OR14I1: variants seen among roughly 807,000 people sequenced by gnomAD.
OR14I1 encodes the protein olfactory receptor 14I1.
For missense variants in OR14I1, 279 were observed against 181.8 expected (o/e 1.53, Z -3.07); for synonymous variants, 118 against 71.1 (o/e 1.66, Z -3.32).
rs775751924 is a variant in OR14I1 at position 248,682,269 on chromosome 1, C to T, written c.36G>A (p.Leu12=). Residue 12 remains leucine, a synonymous_variant, in exon 1 of 1, where the codon CTG becomes CTA. Coordinates refer to ENST00000342623, the Ensembl canonical transcript of OR14I1. ...GCTCCCAGATACCAGAAAACTCCAT[C>T]AGCAGGAATTCTGTCACTTTTGTGA... 3 of 760,878 alleles carry T rather than the reference C, an allele frequency of 3.9e-6. No homozygotes were observed. In the East Asian group the frequency reaches 7.3e-5, roughly 18 times the overall value. 47.1% of individuals were successfully genotyped at this position (760,878 alleles called of 1,614,324 possible).
At chr1:248,701,815 G>T in the OR14I1 span, among the ~76,000 whole-genome samples, 4 of 152,136 alleles carry the variant, frequency 2.6e-5, no homozygotes, top group Non-Finnish European at 5.9e-5. Context: ...GGCACTGACA[G>T]GTCTCAAAGA....
chr1:248,681,641 T>C (rs767476887), exon 1 of OR14I1: 3 of 780,966 alleles, frequency 3.8e-6, no homozygotes, highest in East Asian at 4.8e-5. Context: ...CTGAGCACCG[T>C]TGAGAAGATT....
At chr1:248,684,528 G>A (rs1204372029), upstream of OR14I1, among the ~76,000 whole-genome samples, 7 of 152,106 alleles carry the variant, frequency 4.6e-5, no homozygotes, top group East Asian at 3.9e-4. Flanking sequence ...GCTCCATGAC[G>A]TTTAAACCCC....
At chr1:248,695,084 G>A in the OR14I1 span, among the ~76,000 whole-genome samples, 2 of 152,082 alleles carry the variant, frequency 1.3e-5, no homozygotes, top group African/African-American at 4.8e-5. Flanking sequence ...AGAGACAAAA[G>A]GGGATATGAG....
upstream of OR14I1, among the ~76,000 whole-genome samples, chr1:248,682,475 G>A (rs1661584815): frequency 6.6e-6 from 1 of 152,094 alleles, no homozygotes; most frequent in South Asian, 2.1e-4. Flanking sequence ...TTTTTAACAT[G>A]GAAAGATCAT....
At chr1:248,688,566 G>A in the OR14I1 span, among the ~76,000 whole-genome samples, 2 of 152,226 alleles carry the variant, frequency 1.3e-5, no homozygotes, top group Admixed American at 1.3e-4. Context: ...TTGTGTGCCT[G>A]ACTCACCATG....
chr1:248,691,651 C>G, the OR14I1 span: 1 of 152,462 alleles, frequency 6.6e-6, no homozygotes, highest in African/African-American at 2.4e-5. Context: ...CCACCAGGAT[C>G]TCATTGGCCA....
chr1:248,687,366 T>C, the OR14I1 span, among the ~76,000 whole-genome samples: 2 of 152,230 alleles, frequency 1.3e-5, no homozygotes, highest in African/African-American at 2.4e-5. Flanking sequence ...AGCCTGTTTC[T>C]GTATTGCACA....
At chr1:248,682,099 A>G (rs1661577646) in exon 1 of OR14I1, 2 of 781,042 alleles carry the variant, frequency 2.6e-6, no homozygotes, top group South Asian at 2.7e-5. Flanking sequence ...GATGTAGCAC[A>G]GATCCAAAAC....
chr1:248,683,126 T>G (rs955566063), upstream of OR14I1, among the ~76,000 whole-genome samples: 15 of 152,198 alleles, frequency 9.9e-5, no homozygotes, highest in Admixed American at 1.3e-4. Context: ...AGTTGCCCAA[T>G]GCACTGAAAG....
At chr1:248,682,348 A>G (rs1303780193), upstream of OR14I1, 1 of 692,394 alleles carries the variant, frequency 1.4e-6, no homozygotes, top group Admixed American at 2.3e-5. Context: ...AAAAATATAC[A>G]ATAGTTTTAA....
At chr1:248,678,565 T>G (rs1661513241), downstream of OR14I1, among the ~76,000 whole-genome samples, 1 of 152,176 alleles carries the variant, frequency 6.6e-6, no homozygotes, top group South Asian at 2.1e-4. Context: ...GTTAAGAAAT[T>G]TATGAAGTTT....
the OR14I1 span, chr1:248,691,977 C>G: frequency 6.6e-6 from 1 of 152,396 alleles, no homozygotes; most frequent in Non-Finnish European, 1.5e-5. Context: ...GAGCTCACAG[C>G]GCGGCCCACC....
chr1:248,686,967 C>T (rs559258047), upstream of OR14I1, among the ~76,000 whole-genome samples: 1 of 152,238 alleles, frequency 6.6e-6, no homozygotes, highest in Non-Finnish European at 1.5e-5. Flanking sequence ...GAGACTGGGC[C>T]GCCACAGTCT....
the OR14I1 span, among the ~76,000 whole-genome samples, chr1:248,694,557 A>C: frequency 6.6e-6 from 1 of 152,102 alleles, no homozygotes; most frequent in Non-Finnish European, 1.5e-5. Context: ...TTTCCCCTTA[A>C]AAGTACATCT....
upstream of OR14I1, among the ~76,000 whole-genome samples, chr1:248,686,560 A>AGAAGTTTTCCTCTGTGTCTCACCAGAAG (rs1444519254): frequency 8.7e-5 from 13 of 149,570 alleles, no homozygotes; most frequent in East Asian, 2.0e-4. Context: ...AAATTCAAGC[A>AGAAGTTTTCCTCTGTGTCTCACCAGAAG]AACTGAATGC....
the OR14I1 span, among the ~76,000 whole-genome samples, chr1:248,693,479 A>T: frequency 6.6e-6 from 1 of 152,358 alleles, no homozygotes; most frequent in Admixed American, 6.5e-5. Context: ...AGAATTCATT[A>T]TGAGCCAACT....
downstream of OR14I1, among the ~76,000 whole-genome samples, chr1:248,680,960 C>CTGTGTGTG (rs755075968): frequency 2.0e-4 from 15 of 73,994 alleles, no homozygotes; most frequent in East Asian, 1.4e-3. Flanking sequence ...GGTACTAAAA[C>CTGTGTGTG]TGTGTGCGTG....
chr1:248,684,746 A>G (rs1572130238), upstream of OR14I1, among the ~76,000 whole-genome samples: 2 of 41,454 alleles, frequency 4.8e-5, no homozygotes, highest in African/African-American at 1.1e-4. Flanking sequence ...ATTTATAAAT[A>G]CACACACATA....
Sources: allele counts gnomAD v4.1 joint callset (sites outside exome capture counted in the v4.1 genomes callset), GRCh38; gene constraint gnomAD v4.1.1; transcripts MANE v1.5; gene names NCBI Gene and HGNC (gene_info 2026-07-23, HGNC 2026-07-21).